Variants in DDR2 observed in about 807,000 individuals in gnomAD.
DDR2 encodes the protein discoidin domain-containing receptor 2.
In DDR2, 27 loss-of-function variants were observed where a neutral mutation model predicts 94.9. The ratio of observed to expected loss-of-function variants is 0.28; its 90% CI spans 0.21 to 0.39. The LOEUF (loss-of-function observed/expected upper bound fraction) is 0.39, where lower values mean the gene tolerates loss of function less well. Among genes scored for constraint, DDR2 ranks in the 10% least tolerant of loss-of-function variants. The pLI is 1.00. For missense variants in DDR2, 783 were observed against 1,076.0 expected, an observed-to-expected ratio of 0.73 and a Z score of 3.81; for synonymous variants, 382 against 377.2, an observed-to-expected ratio of 1.01 and a Z score of -0.15.
intron 2 of DDR2, among the ~76,000 whole-genome samples, chr1:162,687,987 A>G (rs955945765): frequency 6.6e-6 from 1 of 152,206 alleles, no homozygotes; most frequent in African/African-American, 2.4e-5. Context: ...GTGTACTAAA[A>G]GTTTCCAGGC....
intron 2 of DDR2, among the ~76,000 whole-genome samples, chr1:162,656,296 G>T (rs961831423): frequency 4.6e-5 from 7 of 152,184 alleles, no homozygotes; most frequent in African/African-American, 1.2e-4. Context: ...ACAGCTTCTG[G>T]AATGAGTGCT....
rs2102150340 is a variant in DDR2 at position 162,759,895 on chromosome 1, G to A, written c.771G>A (p.Val257=). The A allele has an allele frequency of 6.2e-7, 1 of 1,614,114 alleles. No individual in the cohort carries two copies. The highest frequency in any genetic ancestry group is 1.1e-5 in the South Asian group (1 of 91,078). Residue 257 remains valine (V), a synonymous_variant, in exon 8 of 18, where the codon GTG becomes GTA. Transcript: ENST00000367921. ...EYHVWPGYDY[V]GWRNESATNG... is the part of the protein sequence containing the mutation. ...ACGTGTGGCCCGGCTATGACTATGT[G>A]GGCTGGCGGAACGAGAGTGCCACCA... is the stretch of plus-strand genomic sequence containing the variant.
chr1:162,708,187 C>G (rs189897908), intron 2 of DDR2, among the ~76,000 whole-genome samples: 1 of 152,146 alleles, frequency 6.6e-6, no homozygotes, highest in African/African-American at 2.4e-5. Context: ...GCAGACAGAC[C>G]CTGCCTGGTG....
chr1:162,642,717 C>G (rs1255149778), intron 1 of DDR2, among the ~76,000 whole-genome samples: 1 of 152,132 alleles, frequency 6.6e-6, no homozygotes, highest in Non-Finnish European at 1.5e-5. Context: ...GATCATACTC[C>G]TTTCCTCATG....
At chr1:162,718,965 T>C in intron 2 of DDR2, 72 bp from the exon 3 acceptor site, 1 of 1,416,732 alleles carries the variant, frequency 7.1e-7, no homozygotes, top group Non-Finnish European at 1.0e-6. Context: ...TACTCATTCA[T>C]GTTGGCAGTA....
At chr1:162,700,670 T>C (rs56328444) in intron 2 of DDR2, among the ~76,000 whole-genome samples, 6,231 of 152,236 alleles carry the variant, frequency 0.041, 166 homozygotes, top group South Asian at 0.071. Flanking sequence ...AAGCATACAT[T>C]GTAACCAAAA....
At chr1:162,640,548 A>G (rs2101887803) in intron 1 of DDR2, among the ~76,000 whole-genome samples, 1 of 152,294 alleles carries the variant, frequency 6.6e-6, no homozygotes, top group East Asian at 1.9e-4. Flanking sequence ...AATTTAAAAA[A>G]TCTGCCCAAT....
intron 2 of DDR2, among the ~76,000 whole-genome samples, chr1:162,716,388 T>C (rs940469128): frequency 5.3e-5 from 8 of 152,326 alleles, no homozygotes; most frequent in African/African-American, 1.9e-4. Context: ...TGGAAGGACA[T>C]CCTGGATTAT....
chr1:162,719,055 T>C lies in DDR2; in HGVS notation c.-9T>C. On this transcript the variant is annotated 5_prime_UTR_variant, in exon 3 of 18. Transcript: ENST00000367921. ...GTGGCAGACTCCAGTTCCAACACCATCTTCTGAGATGATCCTGATTCCCAG... is the reference window on the plus strand; with the variant it reads ...GTGGCAGACTCCAGTTCCAACACCACCTTCTGAGATGATCCTGATTCCCAG... 6.2e-7 allele frequency: 1 copy of C among 1,613,836 alleles called. No homozygotes were observed. The highest frequency in any genetic ancestry group is 8.5e-7 in the Non-Finnish European group (1 of 1,179,752).
chr1:162,723,450 C>T (rs1661512749), intron 3 of DDR2, among the ~76,000 whole-genome samples: 1 of 152,170 alleles, frequency 6.6e-6, no homozygotes, highest in South Asian at 2.1e-4. Flanking sequence ...TTTGAGTGGA[C>T]ATCAGTGTCA....
chr1:162,783,053 G>T lies in DDR2; in HGVS notation c.*2807G>T, dbSNP rs1647991819. ...AAAGTAGTTCAAATTTGAATTAGAA[G>T]AATGAAGCTAGGACTTATTTGGAAA... On this transcript the variant is annotated 3_prime_UTR_variant, in exon 18 of 18. Transcript: ENST00000367921. 6.6e-6 allele frequency: 1 copy of T among 152,128 alleles called. No homozygotes were observed. Among genetic ancestry groups the T allele is most frequent in the Non-Finnish European group, 1.5e-5 (1 of 68,016 alleles). The allele number at this position is 152,128 out of a possible 1,614,324, so 9.4% of individuals were successfully genotyped here. A position where few individuals can be genotyped will look rare whatever the true frequency, so the allele number is the denominator to read the frequency against.
At chr1:162,755,062 T>A (rs2102136089) in intron 5 of DDR2, 94 bp from the exon 6 acceptor site, 1 of 1,566,946 alleles carries the variant, frequency 6.4e-7, no homozygotes, top group African/African-American at 1.4e-5. Flanking sequence ...CTCCTCGAAT[T>A]AAGAAGAGAG....
intron 1 of DDR2, among the ~76,000 whole-genome samples, chr1:162,654,661 C>CT (rs1407525636): frequency 6.6e-6 from 1 of 152,032 alleles, no homozygotes; most frequent in Non-Finnish European, 1.5e-5. Context: ...CTGGGGAGTC[C>CT]TTGAGACCCT....
rs1648063838 is a variant in DDR2, at chr1:162,784,367, T to C, written c.*4121T>C. The C allele has an allele frequency of 6.5e-6, 1 of 154,290 alleles. No individual in the cohort carries two copies. The highest frequency in any genetic ancestry group is 2.0e-4 in the South Asian group (1 of 4,912). 9.6% of individuals were successfully genotyped at this position (154,290 alleles called of 1,614,324 possible). On this transcript the variant is annotated 3_prime_UTR_variant, in exon 18 of 18. Transcript: ENST00000367921. ...AGTCTTTGATCATAAGTCGAATTTA[T>C]AGACCTGGAATTTGCCATCCTAGTC...
chr1:162,718,559 C>A (rs536441161), intron 2 of DDR2, among the ~76,000 whole-genome samples: 1 of 152,068 alleles, frequency 6.6e-6, no homozygotes, highest in African/African-American at 2.4e-5. Flanking sequence ...TTGGGGAAAC[C>A]TGAAAATACA....
intron 2 of DDR2, among the ~76,000 whole-genome samples, chr1:162,682,486 A>G (rs911444034): frequency 2.6e-5 from 4 of 152,204 alleles, no homozygotes; most frequent in African/African-American, 9.6e-5. Flanking sequence ...AGGTGGCCCT[A>G]TTAAAATATG....
In DDR2 at chr1:162,748,737, T is replaced by C. The variant is rs146630931; in HGVS notation, c.83-4358T>C. 3.6e-3 allele frequency among the ~76,000 whole-genome samples: 547 copies of C among 152,292 alleles called. 10 individuals carry two copies. The highest frequency in any genetic ancestry group is 0.033 in the East Asian group (169 of 5,180). On this transcript the variant is annotated intron_variant, in intron 3 of 17. Transcript: ENST00000367921. ...GCACCACATCATACTTATTCCAAAA[T>C]TGACCACATAGTTGGAAGTAAAGCA...
chr1:162,757,673 T>C (rs571614478), intron 7 of DDR2, among the ~76,000 whole-genome samples: 2 of 152,100 alleles, frequency 1.3e-5, no homozygotes, highest in Non-Finnish European at 2.9e-5. Flanking sequence ...AAGGACATGA[T>C]TGGAGCTGTG....
chr1:162,737,246 G>A (rs1384580466), intron 3 of DDR2, among the ~76,000 whole-genome samples: 1 of 148,004 alleles, frequency 6.8e-6, no homozygotes, highest in African/African-American at 2.5e-5. Flanking sequence ...CCATGCTGGT[G>A]CGCTGCACCC....
Sources: gnomAD v4.1 joint callset for allele counts (sites outside exome capture counted in the v4.1 genomes callset) on GRCh38, gnomAD v4.1.1 for gene constraint, MANE v1.5 for transcripts, NCBI Gene and HGNC (gene_info 2026-07-23, HGNC 2026-07-21) for gene names.